RBFOX1: variants seen among roughly 807,000 people sequenced by gnomAD.
The protein encoded by RBFOX1 is RNA binding protein fox-1 homolog 1.
Under a neutral mutation model 57.7 loss-of-function variants are expected in RBFOX1, and 8 were observed. The observed-to-expected ratio is 0.14, with a 90% confidence interval of 0.08 to 0.25. RBFOX1 has a LOEUF of 0.25. RBFOX1 is among the 10% of genes least tolerant of loss of function. RBFOX1 has a pLI of 1.00. For missense variants in RBFOX1, 611 were observed against 548.5 expected (o/e 1.11, Z -1.14); for synonymous variants, 326 against 222.4 (o/e 1.47, Z -4.15).
chr16:7,004,415 A>G (rs2093118825), intron 3 of RBFOX1, among the ~76,000 whole-genome samples: 1 of 152,164 alleles, frequency 6.6e-6, no homozygotes. Flanking sequence ...CAGAGACCCA[A>G]GCTGGTCAGC....
chr16:6,096,079 G>A (rs763857625), intron 1 of RBFOX1, among the ~76,000 whole-genome samples: 11 of 152,196 alleles, frequency 7.2e-5, no homozygotes, highest in Non-Finnish European at 1.5e-4. Flanking sequence ...CTTTGACTCC[G>A]TGTTGCCATG....
At chr16:7,597,007 A>G (rs2094736661) in intron 8 of RBFOX1, among the ~76,000 whole-genome samples, 1 of 152,032 alleles carries the variant, frequency 6.6e-6, no homozygotes, top group Admixed American at 6.6e-5. Flanking sequence ...ATGCTCCTTC[A>G]TATGAATTTT....
At chr16:6,776,207 C>T (rs192653890) in intron 3 of RBFOX1, among the ~76,000 whole-genome samples, 4 of 152,014 alleles carry the variant, frequency 2.6e-5, no homozygotes, top group South Asian at 2.1e-4. Flanking sequence ...GTCGGGAGAT[C>T]GAGACCATCC....
intron 2 of RBFOX1, among the ~76,000 whole-genome samples, chr16:6,375,542 C>T (rs779454676): frequency 1.9e-4 from 29 of 151,880 alleles, no homozygotes; most frequent in Non-Finnish European, 3.4e-4. Flanking sequence ...GTTTCTCTTT[C>T]GGCTCATTTG....
intron 3 of RBFOX1, among the ~76,000 whole-genome samples, chr16:6,971,598 A>G (rs537934078): frequency 3.3e-5 from 5 of 152,128 alleles, no homozygotes; most frequent in African/African-American, 1.2e-4. Flanking sequence ...CAGCTGTTAC[A>G]TGGAATATGG....
At chr16:6,469,280 C>G (rs540467233) in intron 2 of RBFOX1, among the ~76,000 whole-genome samples, 1 of 152,284 alleles carries the variant, frequency 6.6e-6, no homozygotes, top group African/African-American at 2.4e-5. Flanking sequence ...ATTGTTGCCT[C>G]TCACAAGCCA....
chr16:7,625,264 C>A (rs1226992817), intron 10 of RBFOX1, among the ~76,000 whole-genome samples: 1 of 152,126 alleles, frequency 6.6e-6, no homozygotes, highest in African/African-American at 2.4e-5. Flanking sequence ...GGAATCGCCA[C>A]ATTGAGTGAA....
intron 4 of RBFOX1, among the ~76,000 whole-genome samples, chr16:7,092,916 C>G (rs925373188): frequency 6.6e-6 from 1 of 152,198 alleles, no homozygotes. Flanking sequence ...TAAGTGTCAT[C>G]TGTTTTTTTC....
chr16:6,661,057 T>G (rs1440755387), intron 3 of RBFOX1, among the ~76,000 whole-genome samples: 1 of 152,226 alleles, frequency 6.6e-6, no homozygotes, highest in Non-Finnish European at 1.5e-5. Flanking sequence ...TGGAAGGTGA[T>G]ACCTTCATAT....
At chr16:5,931,263 C>T (rs559100592) in intron 4 of RBFOX1, among the ~76,000 whole-genome samples, 2 of 152,290 alleles carry the variant, frequency 1.3e-5, no homozygotes, top group South Asian at 4.1e-4. Context: ...TAGATTCCAC[C>T]TGTGTTCCTA....
At chr16:6,605,086 C>T (rs924079348) in intron 2 of RBFOX1, among the ~76,000 whole-genome samples, 1 of 151,806 alleles carries the variant, frequency 6.6e-6, no homozygotes, top group African/African-American at 2.4e-5. Flanking sequence ...TATACACACA[C>T]AAATTAGCTG....
intron 1 of RBFOX1, among the ~76,000 whole-genome samples, chr16:6,169,158 G>A (rs987962675): frequency 1.3e-5 from 2 of 152,126 alleles, no homozygotes; most frequent in African/African-American, 2.4e-5. Flanking sequence ...TGGGGTCATT[G>A]GAGTAAAGCA....
At chr16:7,651,338 C>T (rs1032482913) in intron 11 of RBFOX1, among the ~76,000 whole-genome samples, 2 of 152,124 alleles carry the variant, frequency 1.3e-5, no homozygotes, top group African/African-American at 2.4e-5. Flanking sequence ...AAACCCCACC[C>T]GCTCCCTTCA....
At chr16:5,476,364 G>C (rs369907578) in intron 2 of RBFOX1, among the ~76,000 whole-genome samples, 5 of 152,194 alleles carry the variant, frequency 3.3e-5, no homozygotes, top group Non-Finnish European at 5.9e-5. Flanking sequence ...CTCCAAACTG[G>C]AGAGGCTGAG....
intron 4 of RBFOX1, among the ~76,000 whole-genome samples, chr16:7,068,996 G>T (rs4407078): frequency 6.6e-6 from 1 of 151,970 alleles, no homozygotes; most frequent in Non-Finnish European, 1.5e-5. Context: ...AGAAGCATTT[G>T]TATGTGTCAC....
At chr16:6,834,554 T>G (rs1015062575) in intron 3 of RBFOX1, among the ~76,000 whole-genome samples, 1 of 152,082 alleles carries the variant, frequency 6.6e-6, no homozygotes, top group Non-Finnish European at 1.5e-5. Context: ...ACAGGAGATA[T>G]CAGTAAGTGA....
At chr16:6,927,447 G>T in intron 3 of RBFOX1, among the ~76,000 whole-genome samples, 1 of 112,146 alleles carries the variant, frequency 8.9e-6, no homozygotes, top group Admixed American at 8.8e-5. Context: ...AAATCCGAAC[G>T]TCTCGTGTTA....
chr16:6,475,511 A>C (rs1184528132), intron 2 of RBFOX1, among the ~76,000 whole-genome samples: 1 of 152,234 alleles, frequency 6.6e-6, no homozygotes. Flanking sequence ...GCATTTGTCT[A>C]TTAGAAAACG....
intron 3 of RBFOX1, among the ~76,000 whole-genome samples, chr16:5,653,553 T>C (rs938866569): frequency 5.4e-4 from 82 of 152,000 alleles, no homozygotes; most frequent in African/African-American, 1.8e-3. Flanking sequence ...GGTGGGGTGC[T>C]GAGCCGTATG....
Sources: gnomAD v4.1 joint callset for allele counts (sites outside exome capture counted in the v4.1 genomes callset) on GRCh38, gnomAD v4.1.1 for gene constraint, MANE v1.5 for transcripts, NCBI Gene and HGNC (gene_info 2026-07-23, HGNC 2026-07-21) for gene names.